The following GIT2 variants were observed in gnomAD, a reference collection of about 807,000 sequenced individuals.
The protein encoded by GIT2 is GIT ArfGAP 2, also known as ARF GTPase-activating protein GIT2.
GIT2 carries 32 observed loss-of-function variants against 100.3 expected under a neutral mutation model. The ratio of observed to expected loss-of-function variants is 0.32; its 90% CI spans 0.24 to 0.43. GIT2 has a LOEUF of 0.43. GIT2 is among the 20% of genes least tolerant of loss of function. The pLI is 1.00. For synonymous variants in GIT2, 353 were observed against 364.1 expected, an observed-to-expected ratio of 0.97 and a Z score of 0.35; for missense variants, 737 against 975.1, an observed-to-expected ratio of 0.76 and a Z score of 3.25.
In GIT2 at chr12:109,948,720, C is replaced by T. The variant is rs976723970; in HGVS notation, c.1393-1216G>A. 6.7e-7 allele frequency: 1 copy of T among 1,498,190 alleles called. No individual in the cohort carries two copies. The highest frequency in any genetic ancestry group is 1.4e-5 in the South Asian group (1 of 73,590). 92.8% of individuals were successfully genotyped at this position (1,498,190 alleles called of 1,614,324 possible). Reference sequence around the variant, plus strand: ...AACTGTTTGCACCAGAAGATCATTACTTTTTCAGTAGCAAACCCATTCAAT... The same window carrying T: ...AACTGTTTGCACCAGAAGATCATTATTTTTTCAGTAGCAAACCCATTCAAT... On this transcript the variant is annotated intron_variant, in intron 14 of 19. Transcript: ENST00000355312. This position sits in a 1 kb window ranked among gnomAD's most constrained non-coding sequence, Gnocchi z 4.3.
intron 1 of GIT2, among the ~76,000 whole-genome samples, chr12:109,994,525 A>T (rs765445204): frequency 1.1e-4 from 17 of 152,252 alleles, no homozygotes; most frequent in Non-Finnish European, 1.9e-4. Context: ...TCAATTTCAC[A>T]GAATATTTCA....
intron 1 of GIT2, 88 bp from the exon 2 acceptor site, chr12:109,991,848 C>A: frequency 8.2e-7 from 1 of 1,221,682 alleles, no homozygotes; most frequent in Non-Finnish European, 1.2e-6. Context: ...TTTGGTTTGT[C>A]AGAAAAAGGA....
chr12:109,987,628 G>A (rs1319875516), intron 4 of GIT2, among the ~76,000 whole-genome samples: 1 of 151,678 alleles, frequency 6.6e-6, no homozygotes, highest in African/African-American at 2.4e-5. Context: ...ACCATACCCG[G>A]CTAAAATTGT....
At position 109,961,247 on chromosome 12, in the gene GIT2, C is replaced by A. The variant is rs751389113; in HGVS notation, c.987+31G>T. ...AAACATGACATCAGCCATTCCCCAACTACTATTCCTTTCCAAACTGAGCCA... is the reference window on the plus strand; with the variant it reads ...AAACATGACATCAGCCATTCCCCAAATACTATTCCTTTCCAAACTGAGCCA... On this transcript the variant is annotated intron_variant, in intron 11 of 19. Coordinates refer to ENST00000355312, the MANE Select transcript of GIT2 (RefSeq NM_057169.5). The A allele has an allele frequency of 5.0e-6, 6 of 1,207,578 alleles. No individual in the cohort carries two copies. The East Asian group carries it at 1.4e-4, about 28-fold the overall frequency. 74.8% of individuals were successfully genotyped at this position (1,207,578 alleles called of 1,614,324 possible). A position where few individuals can be genotyped will look rare whatever the true frequency, so the allele number is the denominator to read the frequency against.
intron 14 of GIT2, among the ~76,000 whole-genome samples, chr12:109,949,361 A>G (rs979253402): frequency 4.6e-5 from 7 of 152,274 alleles, no homozygotes; most frequent in African/African-American, 1.7e-4. Flanking sequence ...CCTCTGTGGC[A>G]GTTATTTAGT....
intron 12 of GIT2, among the ~76,000 whole-genome samples, chr12:109,958,400 C>T (rs1002556773): frequency 1.3e-5 from 2 of 152,060 alleles, no homozygotes; most frequent in Admixed American, 6.6e-5. Context: ...TACCACCACG[C>T]CCAGCTAATT....
At chr12:109,965,631 T>G in intron 8 of GIT2, 54 bp from the exon 9 acceptor site, 1 of 1,131,542 alleles carries the variant, frequency 8.8e-7, no homozygotes, top group Non-Finnish European at 1.3e-6. Flanking sequence ...ACTTGTGAAC[T>G]CTGTAAAGTT....
In GIT2 at chr12:109,932,901, C is replaced by A; in HGVS notation, c.*77G>T. On this transcript the variant is annotated 3_prime_UTR_variant, in exon 20 of 20. Coordinates refer to ENST00000355312, the MANE Select transcript of GIT2 (RefSeq NM_057169.5). Reference sequence around the variant, plus strand: ...ATTAAATGTTTCTTTTTGTAGAAATCTGAAGAGTTCTGCGTCTGAATTTGA... The same window carrying A: ...ATTAAATGTTTCTTTTTGTAGAAATATGAAGAGTTCTGCGTCTGAATTTGA... The A allele has an allele frequency of 2.5e-6, 2 of 801,454 alleles. No individual in the cohort carries two copies. The allele number at this position is 801,454 out of a possible 1,614,324, so 49.6% of individuals were successfully genotyped here.
intron 14 of GIT2, among the ~76,000 whole-genome samples, chr12:109,949,784 G>A (rs1446891371): frequency 1.3e-5 from 2 of 152,218 alleles, no homozygotes; most frequent in East Asian, 3.8e-4. Flanking sequence ...AAGGTGATGT[G>A]CAGCAGATTG....
chr12:109,988,435 G>A (rs1197424107), intron 4 of GIT2, among the ~76,000 whole-genome samples: 4 of 151,786 alleles, frequency 2.6e-5, no homozygotes, highest in Non-Finnish European at 5.9e-5. Flanking sequence ...CCAGCTACTC[G>A]GGAGGCTGAG....
intron 16 of GIT2, among the ~76,000 whole-genome samples, chr12:109,941,193 G>T (rs1231352457): frequency 1.3e-5 from 2 of 152,176 alleles, no homozygotes; most frequent in Admixed American, 1.3e-4. Flanking sequence ...AATTCACTAT[G>T]AACTCGTGCA....
upstream of GIT2, chr12:109,999,524 G>C (rs867527190): frequency 2.6e-6 from 1 of 379,704 alleles, no homozygotes; most frequent in African/African-American, 2.1e-5. This position sits in a 1 kb window ranked among gnomAD's most constrained non-coding sequence, Gnocchi z 4.3. Context: ...CGGCGACCCC[G>C]GACCTCCCGC....
chr12:109,965,718 A>C (rs1565978010), intron 8 of GIT2, 141 bp from the exon 9 acceptor site: 1 of 769,220 alleles, frequency 1.3e-6, no homozygotes, highest in East Asian at 2.5e-5. Context: ...AGCCCAGTAG[A>C]GTCAGTGAGG....
chr12:109,985,757 G>A (rs1003035670), intron 4 of GIT2, among the ~76,000 whole-genome samples: 3 of 152,082 alleles, frequency 2.0e-5, no homozygotes, highest in South Asian at 2.1e-4. Context: ...GGAGGCTGAG[G>A]CGGGTGAATC....
At chr12:109,981,307 G>A (rs1380355192) in intron 6 of GIT2, 1 of 357,200 alleles carries the variant, frequency 2.8e-6, no homozygotes, top group South Asian at 4.2e-5. Context: ...ACTTATGAGA[G>A]GGAAGGATAC....
chr12:109,968,671 C>T (rs34586423), intron 7 of GIT2, among the ~76,000 whole-genome samples: 145 of 152,280 alleles, frequency 9.5e-4, no homozygotes, highest in Non-Finnish European at 1.7e-3. Flanking sequence ...GATCTGCCTG[C>T]GTCGGCCTCC....
At chr12:109,946,693 T>C (rs1876437187) in intron 15 of GIT2, among the ~76,000 whole-genome samples, 1 of 152,082 alleles carries the variant, frequency 6.6e-6, no homozygotes, top group African/African-American at 2.4e-5. Context: ...AGGAGCAGGA[T>C]GCAGAAGCGA....
chr12:109,996,353 C>T lies in GIT2; in HGVS notation c.-129G>A. ...ACGGCGGCGCCTCTCCCCTCAGCGC[C>T]TTGCAGCCTTGGCACAGCACGCACG... On this transcript the variant is annotated 5_prime_UTR_variant, in exon 1 of 20. Coordinates refer to ENST00000355312, the MANE Select transcript of GIT2 (RefSeq NM_057169.5). 3.2e-6 allele frequency: 2 copies of T among 625,630 alleles called. No homozygotes were observed. The highest frequency in any genetic ancestry group is 5.4e-6 in the Non-Finnish European group (2 of 370,820). 38.8% of individuals were successfully genotyped at this position (625,630 alleles called of 1,614,324 possible). A position where few individuals can be genotyped will look rare whatever the true frequency, so the allele number is the denominator to read the frequency against.
At chr12:109,970,204 A>C (rs6606744) in intron 7 of GIT2, among the ~76,000 whole-genome samples, 43,338 of 151,990 alleles carry the variant, frequency 0.29, 9,374 homozygotes, top group African/African-American at 0.61. Context: ...ATTAAAAAGA[A>C]TATCCTGGGG....
Sources: gnomAD v4.1 joint callset for allele counts (sites outside exome capture counted in the v4.1 genomes callset) on GRCh38, gnomAD v4.1.1 for gene constraint, Gnocchi (gnomAD v3.1) non-coding constraint, MANE v1.5 for transcripts, NCBI Gene and HGNC (gene_info 2026-07-23, HGNC 2026-07-21) for gene names.